NR2F2: variants seen among roughly 807,000 people sequenced by gnomAD.
NR2F2 encodes COUP transcription factor 2.
Under a neutral mutation model 34.8 loss-of-function variants are expected in NR2F2, and 2 were observed. That is an observed-to-expected ratio of 0.06 (90% confidence interval 0.02 to 0.18). NR2F2 has a LOEUF of 0.18. Among genes scored for constraint, NR2F2 ranks in the 10% least tolerant of loss-of-function variants. The pLI is 1.00. For missense variants in NR2F2, 300 were observed against 580.1 expected, an observed-to-expected ratio of 0.52 and a Z score of 4.96; for synonymous variants, 274 against 251.8, an observed-to-expected ratio of 1.09 and a Z score of -0.84.
Position 96,331,106 on chromosome 15 carries a change from AGCGGCG to A in NR2F2, c.-990_-985del, listed in dbSNP as rs1382933164. The A allele has an allele frequency of 8.3e-6, 10 of 1,203,070 alleles. No individual in the cohort carries two copies. The highest frequency in any genetic ancestry group is 1.0e-5 in the Non-Finnish European group (10 of 969,950). The allele number at this position is 1,203,070 out of a possible 1,614,324, so 74.5% of individuals were successfully genotyped here. A position where few individuals can be genotyped will look rare whatever the true frequency, so the allele number is the denominator to read the frequency against. On this transcript the variant is annotated 5_prime_UTR_variant, in exon 1 of 3. Transcript: ENST00000394166. ...CGGCAGCAGCGGCAGCAGCGACTTC[AGCGGCG>A]GCGGCGGCGCTAGACGCAGCGGCTC...
upstream of NR2F2, among the ~76,000 whole-genome samples, chr15:96,328,966 TTGA>T (rs1596420364): frequency 6.6e-6 from 1 of 152,324 alleles, no homozygotes; most frequent in East Asian, 1.9e-4. Flanking sequence ...GTAAAGAGAA[TTGA>T]ATGTAAAATG....
At position 96,332,198 on chromosome 15, in the gene NR2F2, C is replaced by T. The variant is rs1899167091; in HGVS notation, c.93C>T (p.Gly31=). The change falls in exon 1 of 3, where the codon GGC becomes GGT. Residue 31 remains glycine, a synonymous_variant. Coordinates refer to ENST00000394166, the MANE Select transcript of NR2F2 (RefSeq NM_021005.4). The part of the protein sequence containing the change: ...SQASQAPPVP[G]PPPGAPHTPQ... ...CCTCGCAGGCGCCGCCCGTGCCCGG[C>T]CCGCCGCCCGGCGCCCCGCACACGC... 2 of 1,335,324 alleles carry T rather than the reference C, an allele frequency of 1.5e-6. No individual in the cohort carries two copies. The highest frequency in any genetic ancestry group is 9.6e-7 in the Non-Finnish European group (1 of 1,045,072). The allele number at this position is 1,335,324 out of a possible 1,614,324, so 82.7% of individuals were successfully genotyped here.
chr15:96,334,655 G>C, intron 2 of NR2F2, 52 bp downstream of exon 2: 1 of 1,530,460 alleles, frequency 6.5e-7, no homozygotes, highest in Non-Finnish European at 8.8e-7. Context: ...CCCAGAGCTG[G>C]GGCCCAGAGA....
rs377520333 is a variant in NR2F2, at chr15:96,334,077, G to C, written c.444G>C (p.Ala148=). The C allele has an allele frequency of 1.6e-5, 26 of 1,610,896 alleles. No individual in the cohort carries two copies. The highest frequency in any genetic ancestry group is 8.9e-5 in the East Asian group (4 of 44,832). ...KCLKVGMRRE[A]VQRGRMPPTQ... is the part of the protein sequence containing the mutation. ...GAGTGTCTCCTTTCCTCCCCGCAGC[G>C]GTGCAGAGGGGCAGGATGCCGCCGA... The change falls in exon 2 of 3, where the codon GCG becomes GCC. Residue 148 remains alanine (A), a splice_region_variant and synonymous_variant. Coordinates refer to ENST00000394166, the MANE Select transcript of NR2F2 (RefSeq NM_021005.4).
intron 1 of NR2F2, chr15:96,333,307 G>T (rs772835639): frequency 2.0e-6 from 2 of 996,522 alleles, no homozygotes; most frequent in Admixed American, 1.2e-4. Flanking sequence ...CAACGCCGGG[G>T]TTTCTTTGTG....
Position 96,331,047 on chromosome 15 carries a change from G to A in NR2F2, c.-1059G>A, listed in dbSNP as rs1899122284. On this transcript the variant is annotated 5_prime_UTR_variant, in exon 1 of 3. Coordinates refer to ENST00000394166, the MANE Select transcript of NR2F2 (RefSeq NM_021005.4). ...ACTCTTTCCCTATGTGTGTGAGGCG[G>A]CGGCGGCAGCAGCAGCAGCAGCGGC... 1.0e-5 allele frequency: 13 copies of A among 1,241,924 alleles called. No individual in the cohort carries two copies. The highest frequency in any genetic ancestry group is 1.6e-5 in the African/African-American group (1 of 64,286). The allele number at this position is 1,241,924 out of a possible 1,614,324, so 76.9% of individuals were successfully genotyped here.
intron 1 of NR2F2, chr15:96,333,618 C>T: frequency 9.7e-7 from 1 of 1,030,750 alleles, no homozygotes; most frequent in East Asian, 8.1e-5. Flanking sequence ...GAGAGTCGTT[C>T]CGGAGTGGCC....
At chr15:96,333,577 C>G in intron 1 of NR2F2, 1 of 1,014,282 alleles carries the variant, frequency 9.9e-7, no homozygotes, top group Non-Finnish European at 1.2e-6. Flanking sequence ...GGTTCCCCGC[C>G]GGGCTGGGGC....
rs1055815347 is a variant in NR2F2 at position 96,339,575 on chromosome 15, A to C, written c.*1953A>C. The C allele has an allele frequency of 4.6e-5, 7 of 152,206 alleles. No individual in the cohort carries two copies. Among genetic ancestry groups the C allele is most frequent in the Non-Finnish European group, 1.0e-4 (7 of 68,046 alleles). 9.4% of individuals were successfully genotyped at this position (152,206 alleles called of 1,614,324 possible). A position where few individuals can be genotyped will look rare whatever the true frequency, so the allele number is the denominator to read the frequency against. On this transcript the variant is annotated 3_prime_UTR_variant, in exon 3 of 3. Transcript: ENST00000394166. ...TGACATTTCAGATTGTGTGGCTACA[A>C]TCTGTACTGCTCTTGGGATCCTTTG...
upstream of NR2F2, chr15:96,326,175 G>C: frequency 1.3e-6 from 1 of 767,184 alleles, no homozygotes; most frequent in Non-Finnish European, 2.3e-6. The surrounding 1 kb of genome is among the most constrained non-coding windows in gnomAD (Gnocchi z 5.5). Context: ...CTTTTTATCA[G>C]TTTGCACAAT....
At chr15:96,332,800 T>C (rs1341860952) in intron 1 of NR2F2, among the ~76,000 whole-genome samples, 1 of 152,156 alleles carries the variant, frequency 6.6e-6, no homozygotes, top group Non-Finnish European at 1.5e-5. Context: ...GTGAGTTCAC[T>C]GGAGTCTGCC....
chr15:96,331,281 A>C lies in NR2F2; in HGVS notation c.-825A>C. On this transcript the variant is annotated 5_prime_UTR_variant, in exon 1 of 3. Transcript: ENST00000394166. The stretch of plus-strand genomic sequence containing the variant: ...GAGGCGCGCGCCGGACGCCCGGGGC[A>C]GGCGGCGGCGGCGGCGGCCCAGCGC... 9.7e-7 allele frequency: 1 copy of C among 1,028,562 alleles called. No individual in the cohort carries two copies. Among genetic ancestry groups the C allele is most frequent in the Non-Finnish European group, 1.2e-6 (1 of 860,298 alleles). The allele number at this position is 1,028,562 out of a possible 1,614,324, so 63.7% of individuals were successfully genotyped here.
At position 96,332,001 on chromosome 15, in the gene NR2F2, C is replaced by A; in HGVS notation, c.-105C>A. 1 of 1,220,310 alleles carries A rather than the reference C, an allele frequency of 8.2e-7. No homozygotes were observed. Among genetic ancestry groups the A allele is most frequent in the Admixed American group, 4.4e-5 (1 of 22,642 alleles). 75.6% of individuals were successfully genotyped at this position (1,220,310 alleles called of 1,614,324 possible). A position where few individuals can be genotyped will look rare whatever the true frequency, so the allele number is the denominator to read the frequency against. On this transcript the variant is annotated 5_prime_UTR_variant, in exon 1 of 3. Coordinates refer to ENST00000394166, the MANE Select transcript of NR2F2 (RefSeq NM_021005.4). ...TCCCGCGCCCTCTTGCACCCTCGCA[C>A]ACACAAAAGGCGGCGCGCCGGAGCC...
intron 2 of NR2F2, among the ~76,000 whole-genome samples, chr15:96,336,139 C>T (rs940001527): frequency 6.6e-6 from 1 of 151,448 alleles, no homozygotes; most frequent in African/African-American, 2.5e-5. Flanking sequence ...TTAGCCTTAC[C>T]CTTGGTCTTT....
At chr15:96,333,442 C>T (rs1011754465) in intron 1 of NR2F2, 3 of 1,003,004 alleles carry the variant, frequency 3.0e-6, no homozygotes, top group African/African-American at 3.5e-5. Context: ...TGCTCCCTGC[C>T]TCTCCCGGCT....
In NR2F2 at chr15:96,337,758, T is replaced by A; in HGVS notation, c.*136T>A. 1.6e-6 allele frequency: 1 copy of A among 630,892 alleles called. No homozygotes were observed. Among genetic ancestry groups the A allele is most frequent in the Non-Finnish European group, 2.3e-6 (1 of 429,920 alleles). The allele number at this position is 630,892 out of a possible 1,614,324, so 39.1% of individuals were successfully genotyped here. A position where few individuals can be genotyped will look rare whatever the true frequency, so the allele number is the denominator to read the frequency against. On this transcript the variant is annotated 3_prime_UTR_variant, in exon 3 of 3. Coordinates refer to ENST00000394166, the MANE Select transcript of NR2F2 (RefSeq NM_021005.4). ...GCTAAAAGAAGAGAGGGGAAGAATT[T>A]AATGGACTGTGAATTTCAAAAAAAA... is the stretch of plus-strand genomic sequence containing the variant.
At chr15:96,332,621 G>T (rs550952784) in intron 1 of NR2F2, 74 bp downstream of exon 1, 1 of 1,557,634 alleles carries the variant, frequency 6.4e-7, no homozygotes, top group South Asian at 1.2e-5. Context: ...GCCTGCTCTG[G>T]GTAAGGACAA....
At chr15:96,334,932 CCTGCTGGGCCCCAGGGA>C (rs1191827813) in intron 2 of NR2F2, among the ~76,000 whole-genome samples, 1 of 152,236 alleles carries the variant, frequency 6.6e-6, no homozygotes, top group African/African-American at 2.4e-5. Context: ...GCCCCCCGGG[CCTGCTGGGCCCCAGGGA>C]ATCTCCTCAA....
upstream of NR2F2, chr15:96,326,452 C>T (rs1898988360): frequency 4.9e-6 from 5 of 1,021,830 alleles, no homozygotes; most frequent in Non-Finnish European, 7.6e-6. The surrounding 1 kb of genome is among the most constrained non-coding windows in gnomAD (Gnocchi z 5.5). Flanking sequence ...TTCAAAATAT[C>T]GGTTTGCTAA....
Sources: allele counts gnomAD v4.1 joint callset (sites outside exome capture counted in the v4.1 genomes callset), GRCh38; gene constraint gnomAD v4.1.1; non-coding constraint Gnocchi (gnomAD v3.1); transcripts MANE v1.5; gene names NCBI Gene and HGNC (gene_info 2026-07-23, HGNC 2026-07-21).